The following MLLT10 variants were observed in gnomAD, a reference collection of about 807,000 sequenced individuals.
MLLT10 encodes MLLT10 histone lysine methyltransferase DOT1L cofactor, also known as protein AF-10.
Under a neutral mutation model 129.1 loss-of-function variants are expected in MLLT10, and 30 were observed. The observed-to-expected ratio is 0.23, with a 90% CI of 0.17 to 0.32. The LOEUF (loss-of-function observed/expected upper bound fraction) is 0.32, where lower values mean the gene tolerates loss of function less well. Among genes scored for constraint, MLLT10 ranks in the 10% least tolerant of loss-of-function variants. The pLI, the probability that MLLT10 is intolerant of heterozygous loss-of-function variation, is 1.00. For synonymous variants in MLLT10, 490 were observed against 446.4 expected (o/e 1.10, Z -1.23); for missense variants, 1,119 against 1,268.3 (o/e 0.88, Z 1.79).
intron 4 of MLLT10, among the ~76,000 whole-genome samples, chr10:21,588,856 C>T (rs1386101767): frequency 6.6e-6 from 1 of 150,530 alleles, no homozygotes; most frequent in African/African-American, 2.4e-5. Flanking sequence ...CAGGGTCTCC[C>T]TCTGTCACAT....
rs557046273 is a variant in MLLT10 at position 21,681,160 on chromosome 10, TC to T, written c.1622-167del. ...GTGAGAATTCTATTCTGTTTGGTTC[TC>T]CCCCTCATGTCCCAATTATTAGCTT... On this transcript the variant is annotated intron_variant, in intron 11 of 22. Transcript: ENST00000307729. Among the ~76,000 whole-genome samples, 4 of 152,254 alleles carry T rather than the reference TC, an allele frequency of 2.6e-5. No individual in the cohort carries two copies. In the East Asian group the frequency reaches 7.7e-4, roughly 29 times the overall value.
chr10:21,640,264 ATATTATATTG>A (rs1331429003), intron 8 of MLLT10, among the ~76,000 whole-genome samples: 2 of 144,170 alleles, frequency 1.4e-5, no homozygotes, highest in Non-Finnish European at 3.0e-5. Flanking sequence ...TACATAATAT[ATATTATATTG>A]TATTATATAT....
intron 12 of MLLT10, 66 bp from the exon 13 acceptor site, chr10:21,682,159 C>CTA: frequency 7.7e-7 from 1 of 1,297,820 alleles, no homozygotes; most frequent in Non-Finnish European, 1.1e-6. Flanking sequence ...CAGTGTATGG[C>CTA]TATGTATTTC....
intron 3 of MLLT10, among the ~76,000 whole-genome samples, chr10:21,558,895 C>T (rs2038427780): frequency 6.6e-6 from 1 of 152,074 alleles, no homozygotes; most frequent in Non-Finnish European, 1.5e-5. Context: ...AATAATAACT[C>T]TGGATACAAG....
intron 13 of MLLT10, among the ~76,000 whole-genome samples, chr10:21,689,641 TTA>T (rs1184223344): frequency 0.014 from 1,903 of 131,904 alleles, 38 homozygotes; most frequent in African/African-American, 0.049. Flanking sequence ...ACACACACAT[TTA>T]TATATATATA....
intron 9 of MLLT10, among the ~76,000 whole-genome samples, chr10:21,658,131 A>G (rs1478024001): frequency 6.6e-6 from 1 of 152,198 alleles, no homozygotes; most frequent in Non-Finnish European, 1.5e-5. Flanking sequence ...TATATCATAA[A>G]TATATTATAC....
At chr10:21,706,900 C>T (rs2055564000) in intron 13 of MLLT10, among the ~76,000 whole-genome samples, 1 of 152,088 alleles carries the variant, frequency 6.6e-6, no homozygotes, top group South Asian at 2.1e-4. Flanking sequence ...AAGTCACTGC[C>T]ATCTCTTTCG....
chr10:21,556,110 G>A (rs2037918547), intron 3 of MLLT10, among the ~76,000 whole-genome samples: 1 of 151,926 alleles, frequency 6.6e-6, no homozygotes, highest in African/African-American at 2.4e-5. Context: ...TGAGTAGCTG[G>A]GACTACAGGC....
intron 3 of MLLT10, among the ~76,000 whole-genome samples, chr10:21,576,684 G>A (rs2040801677): frequency 6.7e-6 from 1 of 149,468 alleles, no homozygotes; most frequent in Admixed American, 6.7e-5. Context: ...AGACTGGAGT[G>A]CAATGGCACA....
At chr10:21,573,418 G>A (rs2040411590) in intron 3 of MLLT10, among the ~76,000 whole-genome samples, 1 of 152,224 alleles carries the variant, frequency 6.6e-6, no homozygotes, top group African/African-American at 2.4e-5. Flanking sequence ...ATGCCATGGA[G>A]AATACACAGC....
intron 13 of MLLT10, among the ~76,000 whole-genome samples, chr10:21,707,337 C>T (rs558335312): frequency 2.8e-4 from 42 of 151,892 alleles, no homozygotes; most frequent in Non-Finnish European, 7.4e-5. Context: ...GGACTACAGG[C>T]ACGCGCCACC....
intron 3 of MLLT10, among the ~76,000 whole-genome samples, chr10:21,566,564 G>A (rs183546314): frequency 2.0e-5 from 3 of 152,114 alleles, no homozygotes; most frequent in East Asian, 3.9e-4. Flanking sequence ...CCGGCCTTAG[G>A]TGATGCACCT....
intron 21 of MLLT10, chr10:21,738,514 G>C: frequency 7.8e-7 from 1 of 1,288,052 alleles, no homozygotes; most frequent in Non-Finnish European, 1.0e-6. Context: ...ATCTGCCAAT[G>C]TCGTGGGCTA....
chr10:21,611,589 C>G (rs1374188925), intron 5 of MLLT10, among the ~76,000 whole-genome samples: 1 of 152,042 alleles, frequency 6.6e-6, no homozygotes, highest in African/African-American at 2.4e-5. Context: ...CATTATACAC[C>G]GATACTTACA....
At chr10:21,623,539 A>G (rs1323064674) in intron 8 of MLLT10, among the ~76,000 whole-genome samples, 4 of 152,238 alleles carry the variant, frequency 2.6e-5, no homozygotes, top group East Asian at 1.9e-4. Context: ...GATCAAATAT[A>G]CACACAAAGA....
At chr10:21,571,266 A>T (rs561134148) in intron 3 of MLLT10, among the ~76,000 whole-genome samples, 3 of 152,244 alleles carry the variant, frequency 2.0e-5, no homozygotes, top group African/African-American at 7.2e-5. Context: ...GCAAGTGCTG[A>T]TTTGTCATTC....
chr10:21,664,944 C>CTTTT (rs146373535), intron 9 of MLLT10, among the ~76,000 whole-genome samples: 74 of 119,376 alleles, frequency 6.2e-4, no homozygotes, highest in African/African-American at 8.7e-4. Flanking sequence ...TTTTTCTTTT[C>CTTTT]TTTTTTTTTT....
chr10:21,541,587 T>C (rs1424952293), intron 3 of MLLT10, among the ~76,000 whole-genome samples: 3 of 152,186 alleles, frequency 2.0e-5, no homozygotes, highest in African/African-American at 7.2e-5. Context: ...GGTTTCACCA[T>C]GTTGGCCAGG....
At chr10:21,561,271 G>A (rs537813113) in intron 3 of MLLT10, among the ~76,000 whole-genome samples, 1 of 152,040 alleles carries the variant, frequency 6.6e-6, no homozygotes, top group African/African-American at 2.4e-5. Context: ...ATTTGAGACG[G>A]AGCCTTGCTC....
Sources: gnomAD v4.1 joint callset for allele counts (sites outside exome capture counted in the v4.1 genomes callset) on GRCh38, gnomAD v4.1.1 for gene constraint, MANE v1.5 for transcripts, NCBI Gene and HGNC (gene_info 2026-07-23, HGNC 2026-07-21) for gene names.